Variants in EFCAB8 observed in about 807,000 individuals in gnomAD.
The protein encoded by EFCAB8 is EF-hand calcium binding domain 8, also known as EF-hand calcium-binding domain-containing protein 8.
A neutral mutation model predicts 116.3 loss-of-function variants in EFCAB8; 100 were observed. The observed-to-expected ratio is 0.86, with a 90% CI of 0.73 to 1.02. The LOEUF (loss-of-function observed/expected upper bound fraction) is 1.02, where lower values mean the gene tolerates loss of function less well. EFCAB8 is among the 50% of genes least tolerant of loss of function. The probability of loss-of-function intolerance (pLI) is 0.00; values close to 1 mark genes in which losing one functional copy is unlikely to be tolerated. For missense variants in EFCAB8, 1,320 were observed against 1,416.9 expected (o/e 0.93, Z 1.10); for synonymous variants, 558 against 567.9 (o/e 0.98, Z 0.25).
chr20:32,925,127 G>T (rs1987621315), intron 20 of EFCAB8, among the ~76,000 whole-genome samples: 1 of 152,208 alleles, frequency 6.6e-6, no homozygotes, highest in African/African-American at 2.4e-5. Context: ...CATCCCAGAA[G>T]ACTGTGAGGC....
intron 20 of EFCAB8, among the ~76,000 whole-genome samples, chr20:32,929,987 GGATATTTCACTATA>G: frequency 6.6e-6 from 1 of 152,256 alleles, no homozygotes; most frequent in Admixed American, 6.5e-5. Context: ...TGGAAAATAT[GGATATTTCACTATA>G]GATATACATG....
In EFCAB8 at chr20:32,898,577, T is replaced by C. The variant is rs1235892118; in HGVS notation, c.1042T>C (p.Ser348Pro). 6 of 718,514 alleles carry C rather than the reference T, an allele frequency of 8.4e-6. No homozygotes were observed. The highest frequency in any genetic ancestry group is 3.0e-5 in the South Asian group (2 of 67,592). 44.5% of individuals were successfully genotyped at this position (718,514 alleles called of 1,614,324 possible). ...VVSCSAIEKS[S>P]LVLTILPAKA... ...CTCCTGTTCAGCCATCGAGAAGTCC[T>C]CTCTGGTGCTGACAATATTGCCAGC... The change falls in exon 11 of 27, where the codon TCT becomes CCT. Residue 348 changes from serine to proline, a missense_variant. Physicochemically the swap from Ser to Pro is moderately conservative, Grantham distance 74. Coordinates refer to ENST00000400522, the MANE Select transcript of EFCAB8 (RefSeq NM_001143967.2).
chr20:32,959,805 G>C lies in EFCAB8; in HGVS notation c.3117G>C (p.Leu1039=). 6.6e-7 allele frequency: 1 copy of C among 1,520,994 alleles called. No homozygotes were observed. The highest frequency in any genetic ancestry group is 8.8e-7 in the Non-Finnish European group (1 of 1,130,028). The allele number at this position is 1,520,994 out of a possible 1,614,324, so 94.2% of individuals were successfully genotyped here. A position where few individuals can be genotyped will look rare whatever the true frequency, so the allele number is the denominator to read the frequency against. The stretch of plus-strand genomic sequence containing the variant: ...AGCAGCGGGATCTGGCTGAGGCCCT[G>C]ATATACCAGCGGCGAGAGCAGGCGG... ...LQEQRDLAEA[L]IYQRREQAAL... Residue 1039 remains leucine (L), a synonymous_variant, in exon 25 of 27, where the codon CTG becomes CTC. Coordinates refer to ENST00000400522, the MANE Select transcript of EFCAB8 (RefSeq NM_001143967.2).
chr20:32,863,765 T>C lies in EFCAB8; in HGVS notation c.-10-18T>C. The C allele has an allele frequency of 6.5e-7, 1 of 1,549,616 alleles. No homozygotes were observed. The highest frequency in any genetic ancestry group is 1.2e-5 in the South Asian group (1 of 83,736). On this transcript the variant is annotated intron_variant, in intron 1 of 26. Coordinates refer to ENST00000400522, the MANE Select transcript of EFCAB8 (RefSeq NM_001143967.2). ...TTACAACGACTGGAGTTAAGTTGACTATGATTCCCTATTCTAGGTCAAGGC... is the reference window on the plus strand; with the variant it reads ...TTACAACGACTGGAGTTAAGTTGACCATGATTCCCTATTCTAGGTCAAGGC...
intron 19 of EFCAB8, among the ~76,000 whole-genome samples, chr20:32,919,739 T>C (rs1987359626): frequency 6.6e-6 from 1 of 152,126 alleles, no homozygotes; most frequent in Admixed American, 6.5e-5. Flanking sequence ...CCTGAAATTA[T>C]CTGCCCGCCT....
chr20:32,948,599 G>T (rs1179116457), intron 23 of EFCAB8, among the ~76,000 whole-genome samples: 1 of 151,140 alleles, frequency 6.6e-6, no homozygotes, highest in Non-Finnish European at 1.5e-5. Context: ...GGAAAAGAAA[G>T]CAAACTATCA....
In EFCAB8 at chr20:32,955,454, C is replaced by T. The variant is rs1472206202; in HGVS notation, c.2960-2967C>T. Among the ~76,000 whole-genome samples the T allele has an allele frequency of 2.6e-5, 4 of 152,206 alleles. No homozygotes were observed. In the East Asian group the frequency reaches 5.8e-4, roughly 22 times the overall value. ...ACTCAGGAGGCTGAGGCAGGAGGATCGCTAGAGCCCAGGTGTTTGAGGTTG... is the reference window on the plus strand; with the variant it reads ...ACTCAGGAGGCTGAGGCAGGAGGATTGCTAGAGCCCAGGTGTTTGAGGTTG... On this transcript the variant is annotated intron_variant, in intron 23 of 26. Coordinates refer to ENST00000400522, the MANE Select transcript of EFCAB8 (RefSeq NM_001143967.2).
chr20:32,937,860 G>A (rs1018138617), intron 22 of EFCAB8, among the ~76,000 whole-genome samples: 1 of 149,430 alleles, frequency 6.7e-6, no homozygotes, highest in Non-Finnish European at 1.5e-5. Context: ...CTCGTGATCC[G>A]CCCACCATGG....
intron 3 of EFCAB8, among the ~76,000 whole-genome samples, chr20:32,870,791 T>C (rs1247542888): frequency 6.6e-6 from 1 of 152,116 alleles, no homozygotes; most frequent in Non-Finnish European, 1.5e-5. Context: ...CGTTAGCCAC[T>C]GCACCCAGCC....
intron 1 of EFCAB8, among the ~76,000 whole-genome samples, chr20:32,863,396 T>G (rs1267600335): frequency 6.6e-6 from 1 of 152,132 alleles, no homozygotes; most frequent in Non-Finnish European, 1.5e-5. Context: ...AGCCCTCATT[T>G]TTCTAATCTG....
intron 13 of EFCAB8, chr20:32,907,233 G>A (rs986000723): frequency 3.7e-6 from 2 of 537,756 alleles, no homozygotes; most frequent in Non-Finnish European, 4.8e-6. Context: ...TCCCTTTTCT[G>A]AGCCTCAGTC....
Position 32,867,686 on chromosome 20 carries a change from T to C in EFCAB8, c.147T>C (p.Phe49=). ...ACCTCCAGCCTGGGTCCCAGCTGTT[T>C]ACTGAGATACACCTGGCCAAGATAG... ...VPDLQPGSQL[F]TEIHLAKIEK... is the part of the protein sequence containing the mutation. The change falls in exon 3 of 27, where the codon TTT becomes TTC. Residue 49 remains phenylalanine (F), a synonymous_variant. Transcript: ENST00000400522. 3 of 1,551,654 alleles carry C rather than the reference T, an allele frequency of 1.9e-6. No individual in the cohort carries two copies. The highest frequency in any genetic ancestry group is 3.9e-5 in the Admixed American group (2 of 50,990).
chr20:32,908,464 G>A (rs1193684844), intron 14 of EFCAB8, 52 bp downstream of exon 14: 1 of 1,249,026 alleles, frequency 8.0e-7, no homozygotes, highest in African/African-American at 1.6e-5. Flanking sequence ...TGGAGGGCCA[G>A]GGTCTGAATC....
intron 22 of EFCAB8, among the ~76,000 whole-genome samples, chr20:32,939,161 TTCTTTC>T (rs1988274780): frequency 1.1e-5 from 1 of 94,240 alleles, no homozygotes; most frequent in African/African-American, 4.1e-5. Context: ...CTTTCTTTCT[TTCTTTC>T]TTTCTTTCTT....
rs545457598 is a variant in EFCAB8, at chr20:32,955,894, T to A, written c.2960-2527T>A. 5.3e-5 allele frequency among the ~76,000 whole-genome samples: 8 copies of A among 152,328 alleles called. No individual in the cohort carries two copies. In the East Asian group the frequency reaches 1.5e-3, roughly 29 times the overall value. ...ATATTTGTGTGCCTCTTTTAAACAA[T>A]GTATAATTGAGTCTTATTTTTTTCA... On this transcript the variant is annotated intron_variant, in intron 23 of 26. Coordinates refer to ENST00000400522, the MANE Select transcript of EFCAB8 (RefSeq NM_001143967.2).
intron 6 of EFCAB8, 119 bp downstream of exon 6, chr20:32,885,759 TG>T: frequency 1.5e-6 from 2 of 1,292,940 alleles, no homozygotes; most frequent in Non-Finnish European, 2.1e-6. Context: ...AGCCTGGACT[TG>T]CAGTCACAGC....
chr20:32,889,491 A>C (rs996976764), intron 7 of EFCAB8, 85 bp downstream of exon 7: 12 of 1,334,034 alleles, frequency 9.0e-6, no homozygotes, highest in South Asian at 1.3e-5. Flanking sequence ...TGGCTGAGCA[A>C]CTGTGAACAT....
intron 6 of EFCAB8, among the ~76,000 whole-genome samples, chr20:32,887,673 C>G (rs958592579): frequency 1.3e-5 from 2 of 152,240 alleles, no homozygotes; most frequent in Admixed American, 6.5e-5. Context: ...CCTCCCTCTT[C>G]CCCAGGACAC....
At chr20:32,930,315 G>C (rs1987845508) in intron 20 of EFCAB8, 83 bp from the exon 21 acceptor site, 1 of 1,155,134 alleles carries the variant, frequency 8.7e-7, no homozygotes, top group Non-Finnish European at 1.2e-6. Flanking sequence ...GACCAGGTGG[G>C]TGTGGTGACT....
Sources: gnomAD v4.1 joint callset for allele counts (sites outside exome capture counted in the v4.1 genomes callset) on GRCh38, gnomAD v4.1.1 for gene constraint, MANE v1.5 for transcripts, NCBI Gene and HGNC (gene_info 2026-07-23, HGNC 2026-07-21) for gene names.